The following C12orf56 variants were observed in gnomAD, a reference collection of about 807,000 sequenced individuals.
C12orf56 encodes the protein chromosome 12 open reading frame 56.
A neutral mutation model predicts 69.9 loss-of-function variants in C12orf56; 71 were observed. The ratio of observed to expected loss-of-function variants is 1.02; its 90% CI spans 0.84 to 1.24. The LOEUF is 1.24. Among genes scored for constraint, C12orf56 ranks in the 50% most tolerant of loss-of-function variants. C12orf56 has a pLI of 0.00. For synonymous variants in C12orf56, 276 were observed against 274.1 expected (o/e 1.01, Z -0.07); for missense variants, 732 against 738.5 (o/e 0.99, Z 0.10).
intron 3 of C12orf56, among the ~76,000 whole-genome samples, chr12:64,322,004 T>TTTATTA (rs71092955): frequency 1.8e-4 from 27 of 148,594 alleles, no homozygotes; most frequent in East Asian, 5.9e-4. Flanking sequence ...ATTTATTTAA[T>TTTATTA]TTATTATTAT....
chr12:64,359,723 AT>A (rs1310840379), intron 1 of C12orf56, among the ~76,000 whole-genome samples: 6 of 151,966 alleles, frequency 3.9e-5, no homozygotes, highest in Admixed American at 6.6e-5. Context: ...TATTATTATT[AT>A]TTTTTTAAAG....
In C12orf56 at chr12:64,265,384, G is replaced by A. The variant is rs2037911231; in HGVS notation, c.*1799C>T. Reference sequence around the variant, plus strand: ...GGTGACAGCTGAAAGGGAAACTTTGGGTAAAAAGAAAGGAGGATTACTTGA... The same window carrying A: ...GGTGACAGCTGAAAGGGAAACTTTGAGTAAAAAGAAAGGAGGATTACTTGA... On this transcript the variant is annotated 3_prime_UTR_variant, in exon 13 of 13. Coordinates refer to ENST00000543942, the MANE Select transcript of C12orf56 (RefSeq NM_001170633.2). The A allele has an allele frequency of 6.6e-6, 1 of 152,162 alleles. No homozygotes were observed. Among genetic ancestry groups the A allele is most frequent in the South Asian group, 2.1e-4 (1 of 4,816 alleles). The allele number at this position is 152,162 out of a possible 1,614,324, so 9.4% of individuals were successfully genotyped here.
At chr12:64,273,780 A>G (rs765394112) in intron 11 of C12orf56, among the ~76,000 whole-genome samples, 1 of 152,208 alleles carries the variant, frequency 6.6e-6, no homozygotes, top group Non-Finnish European at 1.5e-5. Flanking sequence ...CAGGTGGCAC[A>G]TACTGGCTCT....
At chr12:64,356,921 T>G (rs1232450538) in intron 1 of C12orf56, among the ~76,000 whole-genome samples, 7 of 152,188 alleles carry the variant, frequency 4.6e-5, no homozygotes, top group Non-Finnish European at 8.8e-5. Context: ...TTTGACTCAC[T>G]AGGTAACCAG....
At chr12:64,298,789 T>C (rs1319110303) in intron 6 of C12orf56, among the ~76,000 whole-genome samples, 1 of 152,210 alleles carries the variant, frequency 6.6e-6, no homozygotes, top group Non-Finnish European at 1.5e-5. Flanking sequence ...TGTAGCCTTG[T>C]AGTATAGTTT....
At chr12:64,329,128 C>T (rs1211956696) in intron 3 of C12orf56, among the ~76,000 whole-genome samples, 1 of 152,048 alleles carries the variant, frequency 6.6e-6, no homozygotes, top group Admixed American at 6.6e-5. Flanking sequence ...TCCCACCTTC[C>T]AGACTGAAAT....
chr12:64,295,600 G>A (rs1181127284), intron 6 of C12orf56, among the ~76,000 whole-genome samples: 1 of 152,088 alleles, frequency 6.6e-6, no homozygotes, highest in Admixed American at 6.5e-5. Context: ...GAGCCCAGGA[G>A]GCGGAGATTG....
chr12:64,351,870 GA>G (rs34411804), intron 2 of C12orf56, among the ~76,000 whole-genome samples: 5 of 147,210 alleles, frequency 3.4e-5, no homozygotes, highest in African/African-American at 7.5e-5. Context: ...GACTCCTTTG[GA>G]AAAAAAAAAA....
intron 6 of C12orf56, among the ~76,000 whole-genome samples, chr12:64,298,094 G>A (rs1216899108): frequency 6.6e-6 from 1 of 152,160 alleles, no homozygotes; most frequent in Middle Eastern, 3.4e-3. Flanking sequence ...GGCATGAGAT[G>A]GTATCTCATT....
At chr12:64,297,366 A>G (rs896529582) in intron 6 of C12orf56, among the ~76,000 whole-genome samples, 3 of 150,634 alleles carry the variant, frequency 2.0e-5, no homozygotes, top group Non-Finnish European at 4.4e-5. Context: ...AGAGACCACA[A>G]ATAGAGAGAC....
intron 1 of C12orf56, among the ~76,000 whole-genome samples, chr12:64,376,298 G>A (rs1042410001): frequency 6.6e-6 from 1 of 152,178 alleles, no homozygotes; most frequent in Non-Finnish European, 1.5e-5. Flanking sequence ...CCAGCAGGAT[G>A]CAGAAAATGC....
chr12:64,334,271 G>A (rs1210158032), intron 2 of C12orf56, among the ~76,000 whole-genome samples: 1 of 152,154 alleles, frequency 6.6e-6, no homozygotes, highest in African/African-American at 2.4e-5. Flanking sequence ...AGACTCATCA[G>A]TTTCTTGTGC....
chr12:64,277,532 A>T (rs2038067114), intron 9 of C12orf56, 148 bp downstream of exon 9: 4 of 436,546 alleles, frequency 9.2e-6, no homozygotes, highest in Non-Finnish European at 1.4e-5. Context: ...CTGACTAGTT[A>T]TCTAAGTTTT....
At chr12:64,319,778 C>T (rs936790253) in intron 3 of C12orf56, among the ~76,000 whole-genome samples, 27 of 152,304 alleles carry the variant, frequency 1.8e-4, no homozygotes, top group Middle Eastern at 3.4e-3. Context: ...AGTCATCTAT[C>T]GCCTGAGAGC....
intron 3 of C12orf56, among the ~76,000 whole-genome samples, chr12:64,325,551 A>G (rs758811053): frequency 1.3e-5 from 2 of 152,194 alleles, no homozygotes; most frequent in Non-Finnish European, 2.9e-5. Context: ...TCTTTTTGTA[A>G]AAGGCAGAAT....
At chr12:64,374,267 G>A (rs534790058) in intron 1 of C12orf56, among the ~76,000 whole-genome samples, 2 of 152,244 alleles carry the variant, frequency 1.3e-5, no homozygotes, top group African/African-American at 4.8e-5. Context: ...AGCCAAGAAA[G>A]ACTAAAAGTA....
At chr12:64,356,392 T>C (rs1301279052) in intron 1 of C12orf56, among the ~76,000 whole-genome samples, 1 of 152,042 alleles carries the variant, frequency 6.6e-6, no homozygotes, top group Non-Finnish European at 1.5e-5. Context: ...TTTACTTCCA[T>C]AGAAGGGTGC....
At chr12:64,301,183 A>G (rs1487621885) in intron 6 of C12orf56, among the ~76,000 whole-genome samples, 1 of 152,138 alleles carries the variant, frequency 6.6e-6, no homozygotes. Flanking sequence ...CTCCATAACA[A>G]CTGTTCCGGT....
chr12:64,369,498 T>C (rs2039541453), intron 1 of C12orf56, among the ~76,000 whole-genome samples: 1 of 152,144 alleles, frequency 6.6e-6, no homozygotes, highest in African/African-American at 2.4e-5. Context: ...GTGCCTGGCC[T>C]TAAAATGTAT....
Sources: allele counts gnomAD v4.1 joint callset (sites outside exome capture counted in the v4.1 genomes callset), GRCh38; gene constraint gnomAD v4.1.1; transcripts MANE v1.5; gene names NCBI Gene and HGNC (gene_info 2026-07-23, HGNC 2026-07-21).